The following AGO1 variants were observed in gnomAD, a reference collection of about 807,000 sequenced individuals.
AGO1 encodes argonaute RISC component 1.
A neutral mutation model predicts 109.2 loss-of-function variants in AGO1; 11 were observed. The ratio of observed to expected loss-of-function variants is 0.10; its 90% CI spans 0.06 to 0.17. The LOEUF is 0.17. Among genes scored for constraint, AGO1 ranks in the 10% least tolerant of loss-of-function variants. AGO1 has a pLI of 1.00. For missense variants in AGO1, 574 were observed against 1,140.3 expected (o/e 0.50, Z 7.15); for synonymous variants, 422 against 418.6 (o/e 1.01, Z -0.10).
chr1:35,916,647 C>T (rs1300564125), intron 15 of AGO1, among the ~76,000 whole-genome samples: 1 of 152,188 alleles, frequency 6.6e-6, no homozygotes, highest in Non-Finnish European at 1.5e-5. Context: ...GAAATACAGG[C>T]GTGAGCCACC....
intron 1 of AGO1, chr1:35,873,820 A>G (rs1044921241): frequency 1.3e-5 from 2 of 152,208 alleles, no homozygotes; most frequent in African/African-American, 4.8e-5. Flanking sequence ...ATATCCCTCC[A>G]TACTTCTTGA....
At chr1:35,915,672 TGGG>T in intron 15 of AGO1, 130 bp downstream of exon 15, 1 of 866,904 alleles carries the variant, frequency 1.2e-6, no homozygotes, top group East Asian at 2.7e-5. Flanking sequence ...GGAGTAGACT[TGGG>T]GGCAAGGATC....
chr1:35,888,626 C>G lies in AGO1; in HGVS notation c.209+16C>G. 2.5e-6 allele frequency: 4 copies of G among 1,612,654 alleles called. No individual in the cohort carries two copies. Among genetic ancestry groups the G allele is most frequent in the Non-Finnish European group, 3.4e-6 (4 of 1,178,918 alleles). ...GAGTCAACCGGTAAGTGATGCACACCTAAGCCACCAAATCTGAAAGACACC... is the reference window on the plus strand; with the variant it reads ...GAGTCAACCGGTAAGTGATGCACACGTAAGCCACCAAATCTGAAAGACACC... On this transcript the variant is annotated intron_variant, in intron 2 of 18. Coordinates refer to ENST00000373204, the MANE Select transcript of AGO1 (RefSeq NM_012199.5). The surrounding 1 kb of genome is among the most constrained non-coding windows in gnomAD (Gnocchi z 4.1).
At chr1:35,895,898 A>G (rs527552827) in intron 8 of AGO1, among the ~76,000 whole-genome samples, 5 of 152,344 alleles carry the variant, frequency 3.3e-5, no homozygotes, top group South Asian at 2.1e-4. Context: ...GTCTCGTCCA[A>G]TGCTACTCAA....
chr1:35,876,329 C>T (rs1049767662), intron 1 of AGO1, among the ~76,000 whole-genome samples: 3 of 150,306 alleles, frequency 2.0e-5, no homozygotes, highest in Non-Finnish European at 4.4e-5. Flanking sequence ...TACAGTGGTG[C>T]GATCTCGGCT....
rs775125489 is a variant in AGO1 at position 35,883,429 on chromosome 1, C to T, written c.8C>T (p.Ala3Val). 1 of 1,572,246 alleles carries T rather than the reference C, an allele frequency of 6.4e-7. No homozygotes were observed. Among genetic ancestry groups the T allele is most frequent in the East Asian group, 2.6e-5 (1 of 38,834 alleles). The change falls in exon 1 of 19, where the codon GCG (alanine) becomes GTG (valine). Residue 3 changes from alanine to valine, a missense_variant. This residue lies in a region of AGO1 where 89 missense variants were observed against 109.6 expected (regional missense o/e 0.81). Coordinates refer to ENST00000373204, the MANE Select transcript of AGO1 (RefSeq NM_012199.5). This position sits in a 1 kb window ranked among gnomAD's most constrained non-coding sequence, Gnocchi z 5.4. ME[A>V]GPSGAAAGAY... ...TCCGCACGGGTATATGGGATGGAAG[C>T]GGGACCCTCGGGAGCAGGTAAGGGT...
intron 11 of AGO1, among the ~76,000 whole-genome samples, chr1:35,905,646 T>C (rs1375462596): frequency 6.6e-6 from 1 of 152,054 alleles, no homozygotes; most frequent in Non-Finnish European, 1.5e-5. Flanking sequence ...TTTTTTTGTA[T>C]TTTTAGTAGA....
At chr1:35,876,446 T>G (rs1557597936) in intron 1 of AGO1, among the ~76,000 whole-genome samples, 1 of 152,024 alleles carries the variant, frequency 6.6e-6, no homozygotes, top group African/African-American at 2.4e-5. Flanking sequence ...TTTTGTATTT[T>G]TAGTAGAGAC....
At position 35,893,029 on chromosome 1, in the gene AGO1, C is replaced by A; in HGVS notation, c.331-68C>A. 1 of 1,441,808 alleles carries A rather than the reference C, an allele frequency of 6.9e-7. No homozygotes were observed. The highest frequency in any genetic ancestry group is 9.5e-7 in the Non-Finnish European group (1 of 1,051,810). 89.3% of individuals were successfully genotyped at this position (1,441,808 alleles called of 1,614,324 possible). A position where few individuals can be genotyped will look rare whatever the true frequency, so the allele number is the denominator to read the frequency against. On this transcript the variant is annotated intron_variant, in intron 3 of 18. Transcript: ENST00000373204. The surrounding 1 kb of genome is among the most constrained non-coding windows in gnomAD (Gnocchi z 5.6). ...TTGAAAAACATGTTCTCAGCAAATC[C>A]ATGGAGTTGGGGGTCATTCTCGCAG...
chr1:35,895,608 G>A (rs1182184515), intron 8 of AGO1, among the ~76,000 whole-genome samples: 2 of 152,178 alleles, frequency 1.3e-5, no homozygotes, highest in African/African-American at 4.8e-5. Context: ...TAAGTGACCT[G>A]AAGATATAAG....
intron 12 of AGO1, 76 bp downstream of exon 12, chr1:35,907,195 A>G (rs1645538410): frequency 7.3e-7 from 1 of 1,371,862 alleles, no homozygotes; most frequent in Admixed American, 2.6e-5. Flanking sequence ...CCTGGGAAGG[A>G]CTCAGTCTGG....
intron 2 of AGO1, among the ~76,000 whole-genome samples, chr1:35,890,321 C>T (rs1279272284): frequency 6.6e-6 from 1 of 152,194 alleles, no homozygotes; most frequent in Non-Finnish European, 1.5e-5. Context: ...TCATGCCCGG[C>T]CAATTGTTAC....
At chr1:35,912,864 G>A (rs1645662926) in intron 12 of AGO1, among the ~76,000 whole-genome samples, 1 of 152,138 alleles carries the variant, frequency 6.6e-6, no homozygotes, top group Non-Finnish European at 1.5e-5. Flanking sequence ...AAGCCACCGT[G>A]CCCGGCTGGC....
intron 2 of AGO1, 131 bp from the exon 3 acceptor site, chr1:35,892,426 G>A (rs571736763): frequency 2.0e-4 from 241 of 1,191,498 alleles, no homozygotes; most frequent in Non-Finnish European, 2.6e-4. Context: ...TAAAGTTTGA[G>A]AAGCACTGTC....
chr1:35,891,735 T>C (rs1320187146), intron 2 of AGO1, among the ~76,000 whole-genome samples: 1 of 152,000 alleles, frequency 6.6e-6, no homozygotes, highest in Non-Finnish European at 1.5e-5. Context: ...TGACTAATTT[T>C]TGTATTTTTT....
chr1:35,890,591 A>G (rs1213229778), intron 2 of AGO1, among the ~76,000 whole-genome samples: 9 of 152,196 alleles, frequency 5.9e-5, no homozygotes, highest in African/African-American at 2.2e-4. Flanking sequence ...TTCTGCTACT[A>G]AAATGAAACT....
chr1:35,895,036 A>T (rs1645293766), intron 7 of AGO1, 86 bp from the exon 8 acceptor site: 4 of 1,465,322 alleles, frequency 2.7e-6, no homozygotes, highest in Non-Finnish European at 3.6e-6. Context: ...AAAGGAAAAA[A>T]TCTGAGGCTT....
At chr1:35,881,177 C>T (rs932113558), upstream of AGO1, among the ~76,000 whole-genome samples, 2 of 152,162 alleles carry the variant, frequency 1.3e-5, no homozygotes, top group Non-Finnish European at 2.9e-5. Context: ...GTATGTAAAG[C>T]AGTAATTCTC....
intron 1 of AGO1, among the ~76,000 whole-genome samples, chr1:35,874,082 C>T (rs773108763): frequency 6.6e-6 from 1 of 152,128 alleles, no homozygotes; most frequent in Non-Finnish European, 1.5e-5. Context: ...AAGCAGTGAC[C>T]TGTGATGTTA....
Sources: allele counts gnomAD v4.1 joint callset (sites outside exome capture counted in the v4.1 genomes callset), GRCh38; gene constraint gnomAD v4.1.1; regional missense constraint gnomAD v4.1.1; non-coding constraint Gnocchi (gnomAD v3.1); transcripts MANE v1.5; gene names NCBI Gene and HGNC (gene_info 2026-07-23, HGNC 2026-07-21).